CADPS: variants seen among roughly 807,000 people sequenced by gnomAD.
The protein encoded by CADPS is calcium-dependent secretion activator 1.
CADPS carries 57 observed loss-of-function variants against 167.3 expected under a neutral mutation model. That is an observed-to-expected ratio of 0.34 (90% CI 0.28 to 0.42). The LOEUF (loss-of-function observed/expected upper bound fraction) is 0.42, where lower values mean the gene tolerates loss of function less well. CADPS is among the 20% of genes least tolerant of loss of function. The probability of loss-of-function intolerance (pLI) is 1.00; values close to 1 mark genes in which losing one functional copy is unlikely to be tolerated. For missense variants in CADPS, 1,414 were observed against 1,738.1 expected (o/e 0.81, Z 3.32); for synonymous variants, 676 against 635.3 (o/e 1.06, Z -0.96).
chr3:62,685,997 C>T (rs978859450), intron 3 of CADPS, among the ~76,000 whole-genome samples: 2 of 152,066 alleles, frequency 1.3e-5, no homozygotes, highest in East Asian at 3.9e-4. Flanking sequence ...TTAAATGTTT[C>T]CCAACACAAA....
chr3:62,813,533 C>T (rs574131907), intron 1 of CADPS, among the ~76,000 whole-genome samples: 8 of 152,018 alleles, frequency 5.3e-5, no homozygotes, highest in Non-Finnish European at 1.0e-4. Flanking sequence ...CTAGGAAATA[C>T]CATTCTGAAC....
At chr3:62,519,525 T>G (rs1248944607) in intron 13 of CADPS, among the ~76,000 whole-genome samples, 1 of 152,186 alleles carries the variant, frequency 6.6e-6, no homozygotes, top group South Asian at 2.1e-4. Context: ...TTCAGTCCAT[T>G]TCTTCATACT....
At position 62,597,184 on chromosome 3, in the gene CADPS, C is replaced by T. The variant is rs74901836; in HGVS notation, c.1326-4436G>A. Among the ~76,000 whole-genome samples the T allele has an allele frequency of 3.8e-4, 58 of 151,970 alleles. No homozygotes were observed. The East Asian group carries it at 0.011, about 28-fold the overall frequency. On this transcript the variant is annotated intron_variant, in intron 6 of 29. Coordinates refer to ENST00000383710, the MANE Select transcript of CADPS (RefSeq NM_003716.4). ...GGCTTTTTATTTTTTCTACAAAAAA[C>T]AAAGTAAAATAATTAGCTGCATATG...
At chr3:62,820,341 AC>A (rs1226164711) in intron 1 of CADPS, among the ~76,000 whole-genome samples, 4 of 152,152 alleles carry the variant, frequency 2.6e-5, no homozygotes, top group Non-Finnish European at 5.9e-5. Flanking sequence ...AAATAGAGAA[AC>A]AGACATTCAC....
At chr3:62,857,654 C>G (rs2079966653) in intron 1 of CADPS, among the ~76,000 whole-genome samples, 1 of 151,866 alleles carries the variant, frequency 6.6e-6, no homozygotes. Context: ...TATATAAAAG[C>G]ATATATAATA....
Position 62,420,571 on chromosome 3 carries a change from G to C in CADPS, c.3778-17386C>G, listed in dbSNP as rs1332554684. Among the ~76,000 whole-genome samples, 3 of 152,192 alleles carry C rather than the reference G, an allele frequency of 2.0e-5. No homozygotes were observed. Among genetic ancestry groups the C allele is most frequent in the Non-Finnish European group, 4.4e-5 (3 of 68,044 alleles). On this transcript the variant is annotated intron_variant, in intron 28 of 29. Transcript: ENST00000383710. This position sits in a 1 kb window ranked among gnomAD's most constrained non-coding sequence, Gnocchi z 4.1. ...ATGGCAGGCAGCACAGGTGGATGGA[G>C]AGGGCATCTTGATCTCCTAGGAGGG...
chr3:62,411,836 A>G (rs1383649730), intron 28 of CADPS, among the ~76,000 whole-genome samples: 1 of 152,240 alleles, frequency 6.6e-6, no homozygotes, highest in Admixed American at 6.5e-5. Flanking sequence ...CCAAGGGCTG[A>G]ACAAATACTT....
At chr3:62,630,139 G>T (rs367778009) in intron 6 of CADPS, among the ~76,000 whole-genome samples, 1 of 152,130 alleles carries the variant, frequency 6.6e-6, no homozygotes, top group South Asian at 2.1e-4. Flanking sequence ...TGTATCCCTT[G>T]TGTCTAAAGC....
chr3:62,765,967 C>T lies in CADPS; in HGVS notation c.459G>A (p.Leu153=). The change falls in exon 2 of 30, where the codon CTG becomes CTA. Residue 153 remains leucine, a synonymous_variant. Coordinates refer to ENST00000383710, the MANE Select transcript of CADPS (RefSeq NM_003716.4). ...RRQQKISKQQ[L]QTVKDRFQAF... ...CCTGAAACCGGTCCTTGACTGTCTG[C>T]AGCTGCTGTTTGCTGATCTGTAAGA... The T allele has an allele frequency of 6.2e-7, 1 of 1,612,586 alleles. No homozygotes were observed. The highest frequency in any genetic ancestry group is 1.7e-4 in the Middle Eastern group (1 of 6,046).
intron 10 of CADPS, among the ~76,000 whole-genome samples, chr3:62,551,986 G>A (rs780851872): frequency 2.6e-4 from 39 of 152,106 alleles, no homozygotes; most frequent in Non-Finnish European, 4.6e-4. Flanking sequence ...CTTCATAAGT[G>A]CAGGTAGTTT....
chr3:62,770,224 T>C (rs894880401), intron 1 of CADPS, among the ~76,000 whole-genome samples: 1 of 152,182 alleles, frequency 6.6e-6, no homozygotes, highest in African/African-American at 2.4e-5. Flanking sequence ...CAGCATCTCC[T>C]GGGAAGCTCT....
intron 1 of CADPS, among the ~76,000 whole-genome samples, chr3:62,819,182 T>C (rs908811878): frequency 6.6e-6 from 1 of 152,138 alleles, no homozygotes; most frequent in African/African-American, 2.4e-5. Context: ...TGGATGTAAA[T>C]TATTCTTCAA....
chr3:62,579,520 G>A (rs1177104709), intron 8 of CADPS, among the ~76,000 whole-genome samples: 1 of 152,148 alleles, frequency 6.6e-6, no homozygotes, highest in Non-Finnish European at 1.5e-5. Flanking sequence ...ACAAAACAGA[G>A]TAAGAGAGAG....
rs2057200306 is a variant in CADPS, at chr3:62,446,230, T to G, written c.3637-433A>C. On this transcript the variant is annotated intron_variant, in intron 26 of 29. Coordinates refer to ENST00000383710, the MANE Select transcript of CADPS (RefSeq NM_003716.4). The surrounding 1 kb of genome is among the most constrained non-coding windows in gnomAD (Gnocchi z 4.9). ...AAAAACCTCAGTTCTCAGCTTTCAT[T>G]AACTCAGGTTTTTAAGAGGAAGATG... Among the ~76,000 whole-genome samples the G allele has an allele frequency of 6.6e-6, 1 of 152,192 alleles. No homozygotes were observed. The highest frequency in any genetic ancestry group is 2.4e-5 in the African/African-American group (1 of 41,456).
intron 24 of CADPS, 31 bp downstream of exon 24, chr3:62,474,142 A>C: frequency 1.2e-6 from 1 of 804,124 alleles, no homozygotes; most frequent in Non-Finnish European, 1.7e-6. Flanking sequence ...AAGAGGGAAA[A>C]AAAAATCTGT....
chr3:62,407,337 C>T (rs1278696733), intron 28 of CADPS, among the ~76,000 whole-genome samples: 1 of 152,154 alleles, frequency 6.6e-6, no homozygotes, highest in Non-Finnish European at 1.5e-5. Flanking sequence ...GCCCCTTAAC[C>T]ATGCAATTGT....
intron 3 of CADPS, among the ~76,000 whole-genome samples, chr3:62,727,196 A>C (rs530834466): frequency 5.9e-5 from 9 of 151,996 alleles, no homozygotes; most frequent in Admixed American, 5.9e-4. Flanking sequence ...GTATTTCAGA[A>C]CAACTTTATT....
At chr3:62,648,470 C>T (rs1422660712) in intron 5 of CADPS, among the ~76,000 whole-genome samples, 1 of 151,602 alleles carries the variant, frequency 6.6e-6, no homozygotes, top group African/African-American at 2.4e-5. Flanking sequence ...TGGCATGAGT[C>T]CAGGAGTTGA....
chr3:62,562,722 C>G (rs61630848), intron 9 of CADPS, among the ~76,000 whole-genome samples: 21,653 of 152,228 alleles, frequency 0.14, 1,561 homozygotes, highest in East Asian at 0.21. Context: ...GAACCACTCT[C>G]TTTTCAACTT....
Sources: gnomAD v4.1 joint callset for allele counts (sites outside exome capture counted in the v4.1 genomes callset) on GRCh38, gnomAD v4.1.1 for gene constraint, Gnocchi (gnomAD v3.1) non-coding constraint, MANE v1.5 for transcripts, NCBI Gene and HGNC (gene_info 2026-07-23, HGNC 2026-07-21) for gene names.